Variants in MTOR observed in about 807,000 individuals in gnomAD.
MTOR encodes the protein mechanistic target of rapamycin kinase, also known as serine/threonine-protein kinase mTOR.
Under a neutral mutation model 319.8 loss-of-function variants are expected in MTOR, and 70 were observed. That is an observed-to-expected ratio of 0.22 (90% CI 0.18 to 0.27). The LOEUF (loss-of-function observed/expected upper bound fraction) is 0.27, where lower values mean the gene tolerates loss of function less well. Ranked by LOEUF, MTOR falls within the 10% of genes least tolerant of loss-of-function variation. The pLI is 1.00. For synonymous variants in MTOR, 1,183 were observed against 1,211.4 expected, an observed-to-expected ratio of 0.98 and a Z score of 0.49; for missense variants, 1,890 against 3,274.4, an observed-to-expected ratio of 0.58 and a Z score of 10.32.
At position 11,199,740 on chromosome 1, in the gene MTOR, C is replaced by T. The variant is rs761983494; in HGVS notation, c.3945-37G>A. On this transcript the variant is annotated intron_variant, in intron 26 of 57. Transcript: ENST00000361445. The surrounding 1 kb of genome is among the most constrained non-coding windows in gnomAD (Gnocchi z 4.5). ...GAAGGTGGAAAATGGAGAGACCTCC[C>T]GTGCCTCTGCCTGCTGCCTCAAAGT... The T allele has an allele frequency of 2.9e-5, 47 of 1,608,016 alleles. No individual in the cohort carries two copies. Among genetic ancestry groups the T allele is most frequent in the Non-Finnish European group, 3.6e-5 (42 of 1,176,486 alleles).
At chr1:11,207,880 C>T (rs1646190518) in intron 25 of MTOR, among the ~76,000 whole-genome samples, 1 of 152,098 alleles carries the variant, frequency 6.6e-6, no homozygotes, top group Non-Finnish European at 1.5e-5. Context: ...TCTACTTTCT[C>T]AGGTGAGATA....
chr1:11,136,871 C>T (rs536818872), intron 36 of MTOR, among the ~76,000 whole-genome samples: 17 of 144,636 alleles, frequency 1.2e-4, no homozygotes, highest in Admixed American at 6.3e-4. Context: ...AACAGAGTTT[C>T]GCTCTTGTCA....
chr1:11,138,464 T>C (rs534738873), intron 36 of MTOR, among the ~76,000 whole-genome samples: 2 of 152,352 alleles, frequency 1.3e-5, no homozygotes, highest in Non-Finnish European at 2.9e-5. Context: ...GATTCAGTCA[T>C]GTATAAAATT....
intron 36 of MTOR, chr1:11,139,057 T>C: frequency 2.2e-6 from 1 of 452,928 alleles, no homozygotes; most frequent in Middle Eastern, 5.7e-4. Context: ...CAGCACTTTC[T>C]AGATACAAAT....
At chr1:11,120,319 A>G (rs186951069) in intron 49 of MTOR, among the ~76,000 whole-genome samples, 4 of 152,088 alleles carry the variant, frequency 2.6e-5, no homozygotes, top group Non-Finnish European at 4.4e-5. Flanking sequence ...TGGGTGGATC[A>G]CTTGAGGTCA....
At chr1:11,130,843 C>T (rs2100434708) in intron 38 of MTOR, 66 bp from the exon 39 acceptor site, 1 of 1,516,320 alleles carries the variant, frequency 6.6e-7, no homozygotes. Context: ...CAGAGGAGCG[C>T]AAGGTCGATG....
chr1:11,190,548 G>A (rs1571116370), intron 28 of MTOR, among the ~76,000 whole-genome samples: 1 of 152,124 alleles, frequency 6.6e-6, no homozygotes, highest in Admixed American at 6.5e-5. Context: ...ATTGTGATAC[G>A]TCTATTTTTT....
intron 34 of MTOR, among the ~76,000 whole-genome samples, chr1:11,143,465 G>T (rs1643809060): frequency 1.3e-5 from 2 of 152,216 alleles, no homozygotes; most frequent in Admixed American, 1.3e-4. Context: ...ATGCTTATTT[G>T]TGGAATTCTT....
intron 19 of MTOR, among the ~76,000 whole-genome samples, chr1:11,221,287 G>A (rs976875312): frequency 2.6e-5 from 4 of 151,988 alleles, no homozygotes; most frequent in Admixed American, 6.6e-5. Flanking sequence ...GAGCCACCAC[G>A]CTCAGCCTAA....
rs1012804250 is a variant in MTOR at position 11,109,905 on chromosome 1, A to AG, written c.7367-177_7367-176insC. Among the ~76,000 whole-genome samples the AG allele has an allele frequency of 2.0e-5, 3 of 152,010 alleles. No homozygotes were observed. Among genetic ancestry groups the AG allele is most frequent in the Non-Finnish European group, 4.4e-5 (3 of 68,016 alleles). On this transcript the variant is annotated intron_variant, in intron 54 of 57. Transcript: ENST00000361445. The surrounding 1 kb of genome is among the most constrained non-coding windows in gnomAD (Gnocchi z 4.0). The stretch of plus-strand genomic sequence containing the variant: ...TATGTATTTCAAAGTTTTAAGCTGG[A>AG]CATAGCTGTAATCTCAGCTACTCAA...
intron 10 of MTOR, 40 bp downstream of exon 10, chr1:11,241,513 T>C (rs764435412): frequency 1.3e-6 from 2 of 1,579,366 alleles, no homozygotes; most frequent in Non-Finnish European, 1.7e-6. Context: ...GGGCCAAGCC[T>C]CACGCTGATA....
At chr1:11,124,472 G>A (rs1557750298) in intron 47 of MTOR, 26 bp downstream of exon 47, 5 of 1,591,410 alleles carry the variant, frequency 3.1e-6, no homozygotes, top group South Asian at 2.2e-5. Context: ...TTCTCAAATT[G>A]TTGCCATTTC....
At chr1:11,166,856 CAAT>C (rs1644660118) in intron 29 of MTOR, among the ~76,000 whole-genome samples, 1 of 152,104 alleles carries the variant, frequency 6.6e-6, no homozygotes, top group South Asian at 2.1e-4. Context: ...AAATGTCCAT[CAAT>C]GATAGACTGG....
chr1:11,168,281 T>A (rs973051981), intron 28 of MTOR, among the ~76,000 whole-genome samples: 11 of 151,440 alleles, frequency 7.3e-5, no homozygotes, highest in Admixed American at 3.3e-4. Flanking sequence ...TGGGCTCAAG[T>A]GATCCTCCTG....
At chr1:11,160,339 A>C (rs1644438856) in intron 29 of MTOR, among the ~76,000 whole-genome samples, 2 of 152,086 alleles carry the variant, frequency 1.3e-5, no homozygotes, top group Admixed American at 1.3e-4. Context: ...ATCTCAGGTG[A>C]TCTGCCCATC....
intron 6 of MTOR, 30 bp downstream of exon 6, chr1:11,253,809 C>T: frequency 6.2e-7 from 1 of 1,613,148 alleles, no homozygotes. Context: ...ACACGGGGAG[C>T]CTGGACTCCC....
Position 11,216,069 on chromosome 1 carries a change from A to AT in MTOR, c.3117+78_3117+79insA, listed in dbSNP as rs113739710. On this transcript the variant is annotated intron_variant, in intron 20 of 57. Transcript: ENST00000361445. ...AGCTCTACAAAGATCCGTGAAAAAA[A>AT]GTCTATGTCATTCAAACTTGCTTCT... 56,364 of 983,234 alleles carry AT rather than the reference A, an allele frequency of 0.057. 3,415 individuals carry two copies. The highest frequency in any genetic ancestry group is 0.18 in the African/African-American group (11,173 of 61,978). 60.9% of individuals were successfully genotyped at this position (983,234 alleles called of 1,614,324 possible). A position where few individuals can be genotyped will look rare whatever the true frequency, so the allele number is the denominator to read the frequency against.
chr1:11,190,504 G>A (rs577121527), intron 28 of MTOR, among the ~76,000 whole-genome samples: 1 of 152,276 alleles, frequency 6.6e-6, no homozygotes, highest in East Asian at 1.9e-4. Context: ...GTCCCTTTGT[G>A]TTCAGGAAGG....
At chr1:11,241,949 T>C (rs1283174426) in intron 9 of MTOR, among the ~76,000 whole-genome samples, 1 of 152,236 alleles carries the variant, frequency 6.6e-6, no homozygotes, top group East Asian at 1.9e-4. Context: ...CCATATGGGT[T>C]ATTGTGGTGC....
Sources: allele counts gnomAD v4.1 joint callset (sites outside exome capture counted in the v4.1 genomes callset), GRCh38; gene constraint gnomAD v4.1.1; non-coding constraint Gnocchi (gnomAD v3.1); transcripts MANE v1.5; gene names NCBI Gene and HGNC (gene_info 2026-07-23, HGNC 2026-07-21).